Variants in MGAT5 observed in about 807,000 individuals in gnomAD.
MGAT5 encodes alpha-1,6-mannosylglycoprotein 6-beta-N-acetylglucosaminyltransferase.
MGAT5 carries 30 observed loss-of-function variants against 94.3 expected under a neutral mutation model. The ratio of observed to expected loss-of-function variants is 0.32; its 90% CI spans 0.24 to 0.43. MGAT5 has a LOEUF of 0.43. Among genes scored for constraint, MGAT5 ranks in the 20% least tolerant of loss-of-function variants. MGAT5 has a pLI of 1.00. For synonymous variants in MGAT5, 310 were observed against 322.9 expected (o/e 0.96, Z 0.43); for missense variants, 691 against 905.5 (o/e 0.76, Z 3.04).
chr2:134,254,915 C>G (rs1179151723), intron 1 of MGAT5, among the ~76,000 whole-genome samples: 2 of 152,188 alleles, frequency 1.3e-5, no homozygotes, highest in Non-Finnish European at 2.9e-5. Flanking sequence ...AGCTCCTTCT[C>G]CCTGAACACA....
At chr2:134,402,918 A>G (rs1683134908) in intron 10 of MGAT5, 70 bp from the exon 11 acceptor site, 1 of 1,446,950 alleles carries the variant, frequency 6.9e-7, no homozygotes, top group Non-Finnish European at 9.2e-7. Flanking sequence ...TAGAAGTTCT[A>G]GTCCATGATA....
chr2:134,357,793 T>C lies in MGAT5; in HGVS notation c.1247-4482T>C, dbSNP rs1039893848. On this transcript the variant is annotated intron_variant, in intron 9 of 15. Coordinates refer to ENST00000281923, the MANE Select transcript of MGAT5 (RefSeq NM_002410.5). Reference sequence around the variant, plus strand: ...CTTTTGTCAACAATTTAGGCGCTCATCTTCTCAGCTCAACTTATATTACAG... The same window carrying C: ...CTTTTGTCAACAATTTAGGCGCTCACCTTCTCAGCTCAACTTATATTACAG... 5.9e-5 allele frequency among the ~76,000 whole-genome samples: 9 copies of C among 151,982 alleles called. No homozygotes were observed. The East Asian group carries it at 1.7e-3, about 29-fold the overall frequency.
In MGAT5 at chr2:134,387,626, G is replaced by C. The variant is rs111253469; in HGVS notation, c.1381-15362G>C. Among the ~76,000 whole-genome samples the C allele has an allele frequency of 4.4e-4, 67 of 152,196 alleles. 1 individual carries two copies. The highest frequency in any genetic ancestry group is 1.5e-3 in the African/African-American group (63 of 41,512). ...ATGGCTGAGCCATTTTCCGCTAGAAGTTCCTGCAGCTGGTAACAAAACACC... is the reference window on the plus strand; with the variant it reads ...ATGGCTGAGCCATTTTCCGCTAGAACTTCCTGCAGCTGGTAACAAAACACC... On this transcript the variant is annotated intron_variant, in intron 10 of 15. Transcript: ENST00000281923.
At chr2:134,158,295 C>T (rs1461233784) in intron 1 of MGAT5, among the ~76,000 whole-genome samples, 2 of 152,190 alleles carry the variant, frequency 1.3e-5, no homozygotes, top group South Asian at 4.1e-4. Flanking sequence ...TGCCAAGGGG[C>T]GCCTGCAGGC....
intron 1 of MGAT5, among the ~76,000 whole-genome samples, chr2:134,262,210 CT>C (rs991078319): frequency 1.3e-5 from 2 of 150,988 alleles, no homozygotes; most frequent in Admixed American, 6.6e-5. Flanking sequence ...TATTCTTGTT[CT>C]TTTTTTTTGG....
chr2:134,229,659 A>G (rs79750268), intron 1 of MGAT5, among the ~76,000 whole-genome samples: 1,691 of 152,364 alleles, frequency 0.011, 22 homozygotes, highest in African/African-American at 0.037. Context: ...CTGGACAGAC[A>G]TGGATGAAAT....
intron 2 of MGAT5, among the ~76,000 whole-genome samples, chr2:134,296,970 G>A (rs986714547): frequency 1.3e-5 from 2 of 151,966 alleles, no homozygotes; most frequent in African/African-American, 4.8e-5. Context: ...AGGCAGAGGC[G>A]GGAGGAGTGC....
chr2:134,306,985 A>G (rs372322452), intron 2 of MGAT5, among the ~76,000 whole-genome samples: 66 of 152,102 alleles, frequency 4.3e-4, no homozygotes, highest in African/African-American at 1.6e-3. Context: ...GCCTCTTCCT[A>G]ATGAGGAGGC....
At chr2:134,396,188 G>T (rs1247245108) in intron 10 of MGAT5, among the ~76,000 whole-genome samples, 3 of 152,118 alleles carry the variant, frequency 2.0e-5, no homozygotes, top group Non-Finnish European at 4.4e-5. Flanking sequence ...GTTTGAGTGG[G>T]ACACAACAAG....
chr2:134,166,030 T>C (rs927299122), intron 1 of MGAT5, among the ~76,000 whole-genome samples: 1 of 152,224 alleles, frequency 6.6e-6, no homozygotes, highest in African/African-American at 2.4e-5. Flanking sequence ...AGGTTCTCAC[T>C]ATAGGCATTA....
chr2:134,180,898 C>A (rs1334476540), intron 1 of MGAT5, among the ~76,000 whole-genome samples: 2 of 152,088 alleles, frequency 1.3e-5, no homozygotes, highest in African/African-American at 4.8e-5. Flanking sequence ...TCAAGGGGCA[C>A]ATTTTTGAAA....
chr2:134,185,093 A>G (rs1464660235), intron 1 of MGAT5, among the ~76,000 whole-genome samples: 2 of 152,088 alleles, frequency 1.3e-5, no homozygotes, highest in African/African-American at 2.4e-5. Flanking sequence ...AGCTGTGAGG[A>G]TGCAAAGGCA....
At chr2:134,289,847 G>T (rs777895360) in intron 2 of MGAT5, among the ~76,000 whole-genome samples, 1 of 152,178 alleles carries the variant, frequency 6.6e-6, no homozygotes. Context: ...ATATGACTCC[G>T]CTGGGAGAGG....
At chr2:134,168,571 G>A (rs1456329025) in intron 1 of MGAT5, among the ~76,000 whole-genome samples, 1 of 152,262 alleles carries the variant, frequency 6.6e-6, no homozygotes, top group Non-Finnish European at 1.5e-5. Context: ...CTCTGCCCAT[G>A]TGGATGAAAG....
intron 14 of MGAT5, among the ~76,000 whole-genome samples, chr2:134,440,331 A>G (rs1242635879): frequency 6.6e-6 from 1 of 152,214 alleles, no homozygotes; most frequent in Non-Finnish European, 1.5e-5. Context: ...AGAATGAAGA[A>G]AGTTGATTCC....
intron 5 of MGAT5, among the ~76,000 whole-genome samples, chr2:134,337,263 C>T (rs1338066284): frequency 6.6e-6 from 1 of 152,122 alleles, no homozygotes; most frequent in Admixed American, 6.6e-5. Flanking sequence ...TTGCTTGAGG[C>T]CAGCCATTTG....
At chr2:134,384,514 AAAAC>A (rs1681844737) in intron 10 of MGAT5, among the ~76,000 whole-genome samples, 2 of 152,248 alleles carry the variant, frequency 1.3e-5, no homozygotes, top group South Asian at 4.1e-4. Context: ...AAATATTAGT[AAAAC>A]AAAGTCTCAG....
At chr2:134,339,918 T>G (rs918864657) in intron 6 of MGAT5, among the ~76,000 whole-genome samples, 1 of 152,194 alleles carries the variant, frequency 6.6e-6, no homozygotes, top group Non-Finnish European at 1.5e-5. Flanking sequence ...AAAACCATTT[T>G]TATTAATCAT....
chr2:134,240,412 G>A (rs551819758), intron 1 of MGAT5, among the ~76,000 whole-genome samples: 109 of 150,210 alleles, frequency 7.3e-4, no homozygotes, highest in African/African-American at 2.6e-3. Context: ...ATGTATTTAC[G>A]TATATAATCT....
Sources: allele counts gnomAD v4.1 joint callset (sites outside exome capture counted in the v4.1 genomes callset), GRCh38; gene constraint gnomAD v4.1.1; transcripts MANE v1.5; gene names NCBI Gene and HGNC (gene_info 2026-07-23, HGNC 2026-07-21).